ARID5B: variants seen among roughly 807,000 people sequenced by gnomAD.
ARID5B encodes the protein AT-rich interactive domain-containing protein 5B.
A neutral mutation model predicts 97.2 loss-of-function variants in ARID5B; 13 were observed. The ratio of observed to expected loss-of-function variants is 0.13; its 90% CI spans 0.09 to 0.21. The LOEUF is 0.21. ARID5B is among the 10% of genes least tolerant of loss of function. ARID5B has a pLI of 1.00. For synonymous variants in ARID5B, 556 were observed against 570.3 expected (o/e 0.97, Z 0.36); for missense variants, 1,210 against 1,465.3 (o/e 0.83, Z 2.84).
chr10:61,913,850 C>A (rs1331749549), intron 2 of ARID5B, among the ~76,000 whole-genome samples: 1 of 152,220 alleles, frequency 6.6e-6, no homozygotes, highest in Non-Finnish European at 1.5e-5. Context: ...CTCCCAGATT[C>A]AAGCGATTCT....
At chr10:62,053,402 C>T (rs539667734) in intron 5 of ARID5B, among the ~76,000 whole-genome samples, 3 of 152,288 alleles carry the variant, frequency 2.0e-5, no homozygotes, top group African/African-American at 7.2e-5. Context: ...CGTTGCACTC[C>T]CTCAATGAGA....
chr10:62,066,489 G>C (rs1336528524), intron 7 of ARID5B, among the ~76,000 whole-genome samples: 145 of 152,222 alleles, frequency 9.5e-4, no homozygotes, highest in Non-Finnish European at 1.8e-3. Flanking sequence ...TCCTCGAAGG[G>C]CCAGACCTGT....
intron 8 of ARID5B, among the ~76,000 whole-genome samples, chr10:62,071,114 C>A (rs1301125577): frequency 6.8e-6 from 1 of 146,324 alleles, no homozygotes; most frequent in East Asian, 2.1e-4. Flanking sequence ...CGGCCCACTG[C>A]AACCTCTGCC....
chr10:61,991,012 G>A (rs1046035243), intron 3 of ARID5B, among the ~76,000 whole-genome samples: 11 of 141,794 alleles, frequency 7.8e-5, no homozygotes, highest in Non-Finnish European at 1.1e-4. Flanking sequence ...TAAATACCTC[G>A]TATAAGTGGA....
chr10:61,916,249 G>A (rs920341604), intron 2 of ARID5B, among the ~76,000 whole-genome samples: 3 of 152,088 alleles, frequency 2.0e-5, no homozygotes, highest in Non-Finnish European at 4.4e-5. Flanking sequence ...TAGAGATGGG[G>A]TTTTGCCATG....
intron 4 of ARID5B, among the ~76,000 whole-genome samples, chr10:62,045,835 A>G (rs1839701084): frequency 6.6e-6 from 1 of 152,188 alleles, no homozygotes; most frequent in Admixed American, 6.5e-5. Flanking sequence ...TACATAGAAC[A>G]ATGTTTGTCT....
intron 8 of ARID5B, among the ~76,000 whole-genome samples, chr10:62,074,849 A>T (rs1368023620): frequency 6.6e-6 from 1 of 152,252 alleles, no homozygotes; most frequent in East Asian, 1.9e-4. Flanking sequence ...GCTAATAAGC[A>T]CAGCAATTGC....
At chr10:62,082,394 C>G (rs1340078686) in intron 8 of ARID5B, among the ~76,000 whole-genome samples, 2 of 152,162 alleles carry the variant, frequency 1.3e-5, no homozygotes, top group Non-Finnish European at 2.9e-5. Context: ...CTTCTCTTCC[C>G]CATTACTTCC....
chr10:62,080,036 C>T (rs2132968933), intron 8 of ARID5B, among the ~76,000 whole-genome samples: 1 of 152,280 alleles, frequency 6.6e-6, no homozygotes, highest in Non-Finnish European at 1.5e-5. Context: ...CTTGGGCAAA[C>T]TGAGTCTTTC....
At chr10:61,936,086 A>T (rs558238207) in intron 2 of ARID5B, among the ~76,000 whole-genome samples, 1 of 152,346 alleles carries the variant, frequency 6.6e-6, no homozygotes, top group East Asian at 1.9e-4. Context: ...AGGGTTTCTG[A>T]ACCCACTTTG....
intron 3 of ARID5B, among the ~76,000 whole-genome samples, chr10:61,963,401 G>C (rs549292132): frequency 6.6e-6 from 1 of 152,112 alleles, no homozygotes; most frequent in Non-Finnish European, 1.5e-5. Flanking sequence ...TAATGGCAGA[G>C]ATACTGAAAG....
chr10:61,919,308 T>A (rs1282158519), intron 2 of ARID5B, among the ~76,000 whole-genome samples: 1 of 152,186 alleles, frequency 6.6e-6, no homozygotes, highest in East Asian at 1.9e-4. Flanking sequence ...GTATTTTCTT[T>A]TCTTAAAAAC....
At chr10:61,951,779 G>A (rs759323643) in intron 3 of ARID5B, among the ~76,000 whole-genome samples, 1 of 152,056 alleles carries the variant, frequency 6.6e-6, no homozygotes, top group Non-Finnish European at 1.5e-5. Context: ...GAATTTATAT[G>A]GATATTATTT....
chr10:62,022,905 C>T (rs550151798), intron 4 of ARID5B, among the ~76,000 whole-genome samples: 10 of 152,354 alleles, frequency 6.6e-5, no homozygotes, highest in Admixed American at 6.5e-4. Flanking sequence ...GCTCATTGAT[C>T]AGGGCAGCAG....
At chr10:61,971,781 C>T (rs1311746678) in intron 3 of ARID5B, among the ~76,000 whole-genome samples, 2 of 152,124 alleles carry the variant, frequency 1.3e-5, no homozygotes, top group Non-Finnish European at 2.9e-5. Flanking sequence ...GCATGTAAAC[C>T]TAAATTGAAT....
At chr10:62,087,867 G>GT (rs1840313132) in intron 9 of ARID5B, among the ~76,000 whole-genome samples, 1 of 148,780 alleles carries the variant, frequency 6.7e-6, no homozygotes, top group African/African-American at 2.5e-5. Flanking sequence ...AGATGATGCA[G>GT]ATTTTTTTTT....
chr10:62,000,020 A>G lies in ARID5B; in HGVS notation c.503-71A>G. 3.5e-6 allele frequency: 5 copies of G among 1,448,056 alleles called. No individual in the cohort carries two copies. The highest frequency in any genetic ancestry group is 4.8e-6 in the Non-Finnish European group (5 of 1,035,506). 89.7% of individuals were successfully genotyped at this position (1,448,056 alleles called of 1,614,324 possible). A position where few individuals can be genotyped will look rare whatever the true frequency, so the allele number is the denominator to read the frequency against. On this transcript the variant is annotated intron_variant, in intron 3 of 9. Coordinates refer to ENST00000279873, the MANE Select transcript of ARID5B (RefSeq NM_032199.3). The surrounding 1 kb of genome is among the most constrained non-coding windows in gnomAD (Gnocchi z 4.4). ...TCCCAAACCAGAAGTGATTATTGAA[A>G]TTATACCATGGCCATGAAAGTTCTT...
intron 3 of ARID5B, among the ~76,000 whole-genome samples, chr10:61,997,350 A>G (rs1318368936): frequency 6.6e-6 from 1 of 152,068 alleles, no homozygotes; most frequent in African/African-American, 2.4e-5. Context: ...AGAATTGGGA[A>G]GCAGTTAGAG....
chr10:62,003,389 G>A (rs145940430), intron 4 of ARID5B, among the ~76,000 whole-genome samples: 4 of 152,152 alleles, frequency 2.6e-5, no homozygotes, highest in Non-Finnish European at 5.9e-5. Flanking sequence ...GGAAAGCCTC[G>A]TGAAAAAGGC....
Sources: allele counts gnomAD v4.1 joint callset (sites outside exome capture counted in the v4.1 genomes callset), GRCh38; gene constraint gnomAD v4.1.1; non-coding constraint Gnocchi (gnomAD v3.1); transcripts MANE v1.5; gene names NCBI Gene and HGNC (gene_info 2026-07-23, HGNC 2026-07-21).